The following KHDRBS2 variants were observed in gnomAD, a reference collection of about 807,000 sequenced individuals.
The protein encoded by KHDRBS2 is KH domain-containing, RNA-binding, signal transduction-associated protein 2.
In KHDRBS2, 26 loss-of-function variants were observed where a neutral mutation model predicts 44.3. The ratio of observed to expected loss-of-function variants is 0.59; its 90% CI spans 0.43 to 0.81. The LOEUF (loss-of-function observed/expected upper bound fraction) is 0.81, where lower values mean the gene tolerates loss of function less well. KHDRBS2 is among the 40% of genes least tolerant of loss of function. The pLI, the probability that KHDRBS2 is intolerant of heterozygous loss-of-function variation, is 0.00. For synonymous variants in KHDRBS2, 194 were observed against 151.1 expected (o/e 1.28, Z -2.08); for missense variants, 476 against 433.1 (o/e 1.10, Z -0.88).
chr6:61,665,106 A>G, the KHDRBS2 span, among the ~76,000 whole-genome samples: 3 of 151,554 alleles, frequency 2.0e-5, no homozygotes, highest in African/African-American at 7.2e-5. Flanking sequence ...TGCATTTCAT[A>G]AAGGAGTTGA....
At chr6:62,128,820 T>C (rs1350225193) in intron 2 of KHDRBS2, among the ~76,000 whole-genome samples, 3 of 152,034 alleles carry the variant, frequency 2.0e-5, no homozygotes, top group African/African-American at 4.8e-5. Context: ...ATTAAAATCA[T>C]ATCCCAGCCA....
chr6:61,739,234 C>T (rs1489328435), intron 6 of KHDRBS2, among the ~76,000 whole-genome samples: 1 of 151,796 alleles, frequency 6.6e-6, no homozygotes, highest in African/African-American at 2.4e-5. Context: ...CAGATAAATG[C>T]TTGCTTATTA....
intron 6 of KHDRBS2, among the ~76,000 whole-genome samples, chr6:61,783,595 T>C (rs1225679778): frequency 2.0e-5 from 3 of 152,168 alleles, no homozygotes; most frequent in Admixed American, 6.6e-5. Context: ...TGTCAATGGT[T>C]TTATACAGTG....
intron 4 of KHDRBS2, among the ~76,000 whole-genome samples, chr6:61,905,087 C>T (rs1337290910): frequency 1.3e-5 from 2 of 151,972 alleles, no homozygotes; most frequent in Non-Finnish European, 2.9e-5. Context: ...TTACTGACGA[C>T]CAAAAAGGAT....
the KHDRBS2 span, among the ~76,000 whole-genome samples, chr6:61,621,771 C>T: frequency 1.3e-5 from 2 of 152,136 alleles, no homozygotes. Flanking sequence ...AGATGTTACT[C>T]CTGTGGGTAT....
chr6:62,145,826 C>T (rs913944534), intron 2 of KHDRBS2, among the ~76,000 whole-genome samples: 1 of 151,710 alleles, frequency 6.6e-6, no homozygotes, highest in African/African-American at 2.4e-5. Flanking sequence ...ACATAATCAC[C>T]TAACACAAAT....
intron 4 of KHDRBS2, among the ~76,000 whole-genome samples, chr6:61,954,375 GTA>G: frequency 2.0e-5 from 1 of 50,056 alleles, no homozygotes; most frequent in Non-Finnish European, 6.0e-5. Context: ...ATATACGTAT[GTA>G]TGCATGCATA....
the KHDRBS2 span, among the ~76,000 whole-genome samples, chr6:61,582,478 T>C: frequency 1.3e-5 from 2 of 151,780 alleles, no homozygotes; most frequent in African/African-American, 4.8e-5. Flanking sequence ...AAAATAGTGT[T>C]CAAAATATCA....
intron 6 of KHDRBS2, among the ~76,000 whole-genome samples, chr6:61,882,711 C>T (rs1166417698): frequency 6.6e-6 from 1 of 151,962 alleles, no homozygotes; most frequent in Non-Finnish European, 1.5e-5. Flanking sequence ...TCACAAAGAT[C>T]TGTTTCTGAT....
At chr6:61,790,546 T>C (rs1245295408) in intron 6 of KHDRBS2, among the ~76,000 whole-genome samples, 1 of 151,422 alleles carries the variant, frequency 6.6e-6, no homozygotes, top group Non-Finnish European at 1.5e-5. Flanking sequence ...TAAAGAAAAA[T>C]CACTTACTTT....
At chr6:62,203,393 C>G (rs907569993) in intron 1 of KHDRBS2, among the ~76,000 whole-genome samples, 2 of 152,056 alleles carry the variant, frequency 1.3e-5, no homozygotes, top group African/African-American at 4.8e-5. Context: ...AGTGAAATAA[C>G]TTGATATTTA....
At chr6:61,786,123 T>C (rs1193072941) in intron 6 of KHDRBS2, among the ~76,000 whole-genome samples, 1 of 151,988 alleles carries the variant, frequency 6.6e-6, no homozygotes, top group Non-Finnish European at 1.5e-5. Context: ...TTGAAAAGTG[T>C]AAACAATGCT....
rs79732538 is a variant in KHDRBS2 at position 61,718,975 on chromosome 6, C to T, written c.893+13707G>A. 9.0e-3 allele frequency among the ~76,000 whole-genome samples: 1,372 copies of T among 152,192 alleles called. 10 individuals carry two copies. Among genetic ancestry groups the T allele is most frequent in the Middle Eastern group, 0.01 (3 of 292 alleles). On this transcript the variant is annotated intron_variant, in intron 7 of 8. Coordinates refer to ENST00000281156, the MANE Select transcript of KHDRBS2 (RefSeq NM_152688.4). ...ATTCTAGAACACTTTATAATAATGC[C>T]TTATATTTCAGAGGGAGGTGTCTAT... is the stretch of plus-strand genomic sequence containing the variant.
At chr6:62,198,690 T>A (rs1263133850) in intron 1 of KHDRBS2, among the ~76,000 whole-genome samples, 1 of 152,214 alleles carries the variant, frequency 6.6e-6, no homozygotes, top group Non-Finnish European at 1.5e-5. Flanking sequence ...CTTCTGAAAC[T>A]ATTCAAATCA....
chr6:62,134,286 G>A (rs543110428), intron 2 of KHDRBS2, among the ~76,000 whole-genome samples: 10 of 152,246 alleles, frequency 6.6e-5, no homozygotes, highest in South Asian at 2.1e-4. Context: ...AGCTTGGACC[G>A]TGGCTTCAGA....
the KHDRBS2 span, among the ~76,000 whole-genome samples, chr6:61,568,001 G>T: frequency 1.3e-5 from 2 of 151,872 alleles, no homozygotes; most frequent in Non-Finnish European, 2.9e-5. Flanking sequence ...AATTCATCTT[G>T]AGTTAATTTT....
intron 3 of KHDRBS2, among the ~76,000 whole-genome samples, chr6:62,031,823 A>G (rs1784387071): frequency 6.6e-6 from 1 of 152,026 alleles, no homozygotes; most frequent in Admixed American, 6.6e-5. Context: ...CCCAGAAGGG[A>G]AGGACACAGA....
At chr6:61,585,013 AACT>A in the KHDRBS2 span, among the ~76,000 whole-genome samples, 1 of 151,936 alleles carries the variant, frequency 6.6e-6, no homozygotes, top group Non-Finnish European at 1.5e-5. Flanking sequence ...TTTTCTTTGA[AACT>A]ATTCTTGTAT....
intron 6 of KHDRBS2, among the ~76,000 whole-genome samples, chr6:61,732,998 C>CT (rs1329353246): frequency 6.6e-6 from 1 of 152,144 alleles, no homozygotes; most frequent in African/African-American, 2.4e-5. Context: ...AATACCTACT[C>CT]TAAGACTTAT....
Sources: gnomAD v4.1 joint callset for allele counts (sites outside exome capture counted in the v4.1 genomes callset) on GRCh38, gnomAD v4.1.1 for gene constraint, MANE v1.5 for transcripts, NCBI Gene and HGNC (gene_info 2026-07-23, HGNC 2026-07-21) for gene names.